NKAIN3: variants seen among roughly 807,000 people sequenced by gnomAD.
The protein encoded by NKAIN3 is sodium/potassium transporting ATPase interacting 3.
Under a neutral mutation model 30.2 loss-of-function variants are expected in NKAIN3, and 25 were observed. That is an observed-to-expected ratio of 0.83 (90% CI 0.60 to 1.16). The LOEUF (loss-of-function observed/expected upper bound fraction) is 1.16. Ranked by LOEUF, NKAIN3 falls within the 50% of genes most tolerant of loss-of-function variation. The probability of loss-of-function intolerance (pLI) is 0.00; values close to 1 mark genes in which losing one functional copy is unlikely to be tolerated. For missense variants in NKAIN3, 225 were observed against 254.1 expected (o/e 0.89, Z 0.78); for synonymous variants, 91 against 89.6 (o/e 1.02, Z -0.09).
intron 1 of NKAIN3, among the ~76,000 whole-genome samples, chr8:62,437,317 G>A (rs1013483129): frequency 9.9e-5 from 15 of 151,480 alleles, no homozygotes; most frequent in African/African-American, 2.7e-4. Context: ...AAATAGAAAC[G>A]TAAGGCTTTA....
At chr8:62,768,202 C>T (rs997103554) in intron 4 of NKAIN3, among the ~76,000 whole-genome samples, 2 of 152,124 alleles carry the variant, frequency 1.3e-5, no homozygotes, top group African/African-American at 4.8e-5. Flanking sequence ...CATCTATTGG[C>T]ACTAGTTCTG....
intron 1 of NKAIN3, among the ~76,000 whole-genome samples, chr8:62,301,302 G>A (rs913057948): frequency 6.6e-6 from 1 of 151,962 alleles, no homozygotes; most frequent in South Asian, 2.1e-4. Flanking sequence ...TAAATTGTCC[G>A]GAGTTTAATG....
At chr8:62,693,613 T>C (rs1300356272) in intron 3 of NKAIN3, among the ~76,000 whole-genome samples, 1 of 152,186 alleles carries the variant, frequency 6.6e-6, no homozygotes, top group African/African-American at 2.4e-5. Flanking sequence ...TAAGCAGCTT[T>C]CTAAAAACAA....
chr8:62,415,666 G>A (rs1043544782), intron 1 of NKAIN3, among the ~76,000 whole-genome samples: 3 of 151,278 alleles, frequency 2.0e-5, no homozygotes, highest in African/African-American at 7.3e-5. Context: ...AGGACATGTT[G>A]AATATAATCT....
intron 4 of NKAIN3, among the ~76,000 whole-genome samples, chr8:62,885,476 C>G (rs750389221): frequency 1.3e-5 from 2 of 152,170 alleles, no homozygotes; most frequent in African/African-American, 2.4e-5. Context: ...ATGAAATAGT[C>G]AATAGATGTC....
intron 4 of NKAIN3, among the ~76,000 whole-genome samples, chr8:62,838,668 A>G (rs1463961967): frequency 2.0e-5 from 3 of 152,090 alleles, no homozygotes; most frequent in Non-Finnish European, 4.4e-5. Flanking sequence ...TATTTGTGAG[A>G]CACAATTATT....
intron 3 of NKAIN3, among the ~76,000 whole-genome samples, chr8:62,653,180 T>C (rs564828716): frequency 1.4e-4 from 21 of 152,176 alleles, no homozygotes; most frequent in African/African-American, 5.1e-4. Flanking sequence ...TTCCCAAAGG[T>C]CTGGAGGCTA....
chr8:62,795,203 G>A (rs185827901), intron 4 of NKAIN3, among the ~76,000 whole-genome samples: 8 of 152,174 alleles, frequency 5.3e-5, no homozygotes, highest in Admixed American at 2.6e-4. Context: ...TTTCTTATCT[G>A]CTGCTAAAAC....
At chr8:62,939,685 T>A (rs1256996801) in intron 5 of NKAIN3, among the ~76,000 whole-genome samples, 3 of 152,098 alleles carry the variant, frequency 2.0e-5, no homozygotes, top group Non-Finnish European at 2.9e-5. Flanking sequence ...AGATATAGTC[T>A]TTTCAGACAA....
intron 3 of NKAIN3, among the ~76,000 whole-genome samples, chr8:62,591,163 C>G (rs1378010268): frequency 1.3e-5 from 2 of 151,718 alleles, no homozygotes; most frequent in Non-Finnish European, 2.9e-5. Flanking sequence ...TTTTATTTCA[C>G]TGGGTAGAAA....
At chr8:62,614,182 T>C (rs1811377181) in intron 3 of NKAIN3, among the ~76,000 whole-genome samples, 1 of 152,130 alleles carries the variant, frequency 6.6e-6, no homozygotes, top group African/African-American at 2.4e-5. Flanking sequence ...TTCTAGATAT[T>C]TGAAAGGACT....
At chr8:62,920,965 A>G (rs1006582368) in intron 5 of NKAIN3, among the ~76,000 whole-genome samples, 5 of 152,198 alleles carry the variant, frequency 3.3e-5, no homozygotes, top group Non-Finnish European at 7.4e-5. Context: ...AAAAGTGCAG[A>G]TGTAATTAAG....
At chr8:62,261,023 C>CATAG (rs1474039103) in intron 1 of NKAIN3, among the ~76,000 whole-genome samples, 7 of 152,064 alleles carry the variant, frequency 4.6e-5, no homozygotes, top group Admixed American at 4.6e-4. Flanking sequence ...GTGTTTATAT[C>CATAG]ATAGAAATAT....
At chr8:62,297,411 G>T (rs546632269) in intron 1 of NKAIN3, among the ~76,000 whole-genome samples, 1 of 151,902 alleles carries the variant, frequency 6.6e-6, no homozygotes, top group Non-Finnish European at 1.5e-5. Flanking sequence ...GAAAATTTTC[G>T]CAACCTACTC....
At chr8:62,790,264 C>T (rs915600181) in intron 4 of NKAIN3, among the ~76,000 whole-genome samples, 142 of 152,186 alleles carry the variant, frequency 9.3e-4, no homozygotes, top group African/African-American at 3.4e-3. Flanking sequence ...ATTCAACAAC[C>T]TTCATGCTAA....
chr8:62,279,235 T>C (rs1380586998), intron 1 of NKAIN3, among the ~76,000 whole-genome samples: 1 of 152,242 alleles, frequency 6.6e-6, no homozygotes, highest in African/African-American at 2.4e-5. Context: ...TTTTTTCTTA[T>C]AAATTTGTTT....
intron 1 of NKAIN3, among the ~76,000 whole-genome samples, chr8:62,312,675 G>A (rs1274941776): frequency 6.6e-6 from 1 of 152,006 alleles, no homozygotes; most frequent in Non-Finnish European, 1.5e-5. Flanking sequence ...AAATTAGCTG[G>A]GCATGGTGGT....
chr8:62,566,438 T>C (rs10216391), intron 1 of NKAIN3, among the ~76,000 whole-genome samples: 5,282 of 151,578 alleles, frequency 0.035, 243 homozygotes, highest in African/African-American at 0.12. Context: ...TCATAATTAA[T>C]AAATGAATGA....
At chr8:62,464,886 T>C (rs1806110469) in intron 1 of NKAIN3, among the ~76,000 whole-genome samples, 1 of 152,198 alleles carries the variant, frequency 6.6e-6, no homozygotes, top group Admixed American at 6.5e-5. Context: ...TAATGAAACT[T>C]ACAATTTATT....
Sources: gnomAD v4.1 joint callset for allele counts (sites outside exome capture counted in the v4.1 genomes callset) on GRCh38, gnomAD v4.1.1 for gene constraint, MANE v1.5 for transcripts, NCBI Gene and HGNC (gene_info 2026-07-23, HGNC 2026-07-21) for gene names.